Variants in NRG1 observed in about 807,000 individuals in gnomAD.
NRG1 encodes pro-neuregulin-1, membrane-bound isoform.
A neutral mutation model predicts 63.8 loss-of-function variants in NRG1; 18 were observed. The observed-to-expected ratio is 0.28, with a 90% CI of 0.19 to 0.42. NRG1 has a LOEUF of 0.42. Among genes scored for constraint, NRG1 ranks in the 10% least tolerant of loss-of-function variants. NRG1 has a pLI of 1.00. For synonymous variants in NRG1, 302 were observed against 301.3 expected (o/e 1.00, Z -0.02); for missense variants, 762 against 814.7 (o/e 0.94, Z 0.79).
intron 1 of NRG1, among the ~76,000 whole-genome samples, chr8:32,387,050 T>G (rs1328878605): frequency 6.6e-6 from 1 of 152,158 alleles, no homozygotes; most frequent in African/African-American, 2.4e-5. Context: ...TCAGGAGAGA[T>G]TCACTAAAAG....
At chr8:31,898,516 A>T (rs2129614943) in intron 1 of NRG1, among the ~76,000 whole-genome samples, 1 of 152,214 alleles carries the variant, frequency 6.6e-6, no homozygotes, top group South Asian at 2.1e-4. Context: ...ATGTGTTCTG[A>T]TCTGCTGCTC....
chr8:32,759,674 C>T (rs910099448), intron 10 of NRG1, among the ~76,000 whole-genome samples: 1 of 152,146 alleles, frequency 6.6e-6, no homozygotes, highest in Non-Finnish European at 1.5e-5. Flanking sequence ...CCCTGCTACT[C>T]ACCGAATTGC....
rs186603798 is a variant in NRG1, at chr8:32,485,516, C to T, written c.38-110312C>T. On this transcript the variant is annotated intron_variant, in intron 1 of 10. Transcript: ENST00000519301. ...CTGTCCTCTTTCTCCACCCCACGAACTCCTCAAAGGCAGAGTCCCTGTCTT... is the reference window on the plus strand; with the variant it reads ...CTGTCCTCTTTCTCCACCCCACGAATTCCTCAAAGGCAGAGTCCCTGTCTT... Among the ~76,000 whole-genome samples the T allele has an allele frequency of 2.6e-5, 4 of 152,322 alleles. No homozygotes were observed. The East Asian group carries it at 7.7e-4, about 29-fold the overall frequency.
chr8:31,950,852 C>T (rs1191607001), intron 1 of NRG1, among the ~76,000 whole-genome samples: 2 of 152,094 alleles, frequency 1.3e-5, no homozygotes, highest in Non-Finnish European at 2.9e-5. Context: ...ATTTTGGCCT[C>T]CCCAGTGTCA....
At chr8:32,467,286 T>C (rs577699652) in intron 1 of NRG1, among the ~76,000 whole-genome samples, 1 of 152,302 alleles carries the variant, frequency 6.6e-6, no homozygotes, top group Admixed American at 6.5e-5. Context: ...GCAAAGTGAT[T>C]AGCTAGCTGG....
At chr8:32,433,225 A>G (rs958606976) in intron 1 of NRG1, among the ~76,000 whole-genome samples, 1 of 152,194 alleles carries the variant, frequency 6.6e-6, no homozygotes. Flanking sequence ...ACAAGTGATG[A>G]GACATCAGGA....
intron 1 of NRG1, among the ~76,000 whole-genome samples, chr8:32,295,219 TAATGA>T (rs1002329592): frequency 1.3e-5 from 2 of 152,156 alleles, no homozygotes; most frequent in African/African-American, 4.8e-5. Context: ...TTTCTCCAAA[TAATGA>T]AATGATTTCT....
chr8:32,589,884 A>G (rs1272502563), intron 1 of NRG1, among the ~76,000 whole-genome samples: 2 of 152,210 alleles, frequency 1.3e-5, no homozygotes, highest in Admixed American at 1.3e-4. Context: ...CCATTAAATT[A>G]TTAGAATAAA....
At chr8:32,672,719 A>G (rs1426111250) in intron 5 of NRG1, among the ~76,000 whole-genome samples, 3 of 152,148 alleles carry the variant, frequency 2.0e-5, no homozygotes, top group Non-Finnish European at 4.4e-5. Flanking sequence ...CAATCTTGCA[A>G]TATTGACCTT....
chr8:31,956,040 CAAAAAAA>C (rs11386219), intron 1 of NRG1, among the ~76,000 whole-genome samples: 17 of 128,128 alleles, frequency 1.3e-4, no homozygotes, highest in South Asian at 4.7e-4. Context: ...GAACCTGTCT[CAAAAAAA>C]AAAAAACAAA....
At chr8:31,795,191 C>T (rs1821086445) in intron 1 of NRG1, among the ~76,000 whole-genome samples, 1 of 152,114 alleles carries the variant, frequency 6.6e-6, no homozygotes, top group African/African-American at 2.4e-5. Context: ...GGGAGAGAGC[C>T]CTCTTAGGAT....
At chr8:32,481,563 AT>A (rs1244657782) in intron 1 of NRG1, among the ~76,000 whole-genome samples, 1 of 152,202 alleles carries the variant, frequency 6.6e-6, no homozygotes, top group Non-Finnish European at 1.5e-5. Flanking sequence ...CAGTGGTTAC[AT>A]TTATGGACCT....
upstream of NRG1, among the ~76,000 whole-genome samples, chr8:32,547,617 A>ACG (rs1380791623): frequency 7.9e-6 from 1 of 127,004 alleles, no homozygotes; most frequent in Non-Finnish European, 1.7e-5. Context: ...ACACACACAC[A>ACG]CACACACACG....
At chr8:32,647,815 C>A in intron 5 of NRG1, 1 of 1,613,890 alleles carries the variant, frequency 6.2e-7, no homozygotes, top group Non-Finnish European at 8.5e-7. Flanking sequence ...GATGGGCTTC[C>A]GGCAGCAGAA....
intron 1 of NRG1, among the ~76,000 whole-genome samples, chr8:32,391,526 C>T (rs1257507853): frequency 6.6e-6 from 1 of 152,028 alleles, no homozygotes; most frequent in African/African-American, 2.4e-5. Context: ...CCCTCCACGC[C>T]CAGATAGACA....
At chr8:32,067,173 C>T (rs1206586114) in intron 1 of NRG1, among the ~76,000 whole-genome samples, 1 of 152,058 alleles carries the variant, frequency 6.6e-6, no homozygotes, top group Non-Finnish European at 1.5e-5. Context: ...AATTGAATAC[C>T]CTTTATTTCC....
At chr8:31,670,924 C>T (rs979046725) in intron 1 of NRG1, among the ~76,000 whole-genome samples, 2 of 152,070 alleles carry the variant, frequency 1.3e-5, no homozygotes, top group African/African-American at 2.4e-5. Flanking sequence ...ACATAATAAC[C>T]GATAGGTACT....
At chr8:32,200,771 G>A (rs1421361433) in intron 1 of NRG1, among the ~76,000 whole-genome samples, 7 of 152,146 alleles carry the variant, frequency 4.6e-5, no homozygotes, top group South Asian at 2.1e-4. Flanking sequence ...ACTCATTCCC[G>A]TTTGCATTCC....
chr8:32,633,584 A>G (rs1181366242), intron 5 of NRG1, among the ~76,000 whole-genome samples: 1 of 152,220 alleles, frequency 6.6e-6, no homozygotes, highest in Non-Finnish European at 1.5e-5. Flanking sequence ...TTAAAAAAGA[A>G]TGACTCCACT....
Sources: allele counts gnomAD v4.1 joint callset (sites outside exome capture counted in the v4.1 genomes callset), GRCh38; gene constraint gnomAD v4.1.1; transcripts MANE v1.5; gene names NCBI Gene and HGNC (gene_info 2026-07-23, HGNC 2026-07-21).